PXDC1: variants seen among roughly 807,000 people sequenced by gnomAD.
PXDC1 encodes the protein PX domain containing 1.
PXDC1 carries 13 observed loss-of-function variants against 24.4 expected under a neutral mutation model. The ratio of observed to expected loss-of-function variants is 0.53; its 90% CI spans 0.35 to 0.85. The LOEUF (loss-of-function observed/expected upper bound fraction) is 0.85. Among genes scored for constraint, PXDC1 ranks in the 40% least tolerant of loss-of-function variants. The probability of loss-of-function intolerance (pLI) is 0.01; values close to 1 mark genes in which losing one functional copy is unlikely to be tolerated. For missense variants in PXDC1, 344 were observed against 309.3 expected (o/e 1.11, Z -0.84); for synonymous variants, 162 against 124.9 (o/e 1.30, Z -1.98).
intron 1 of PXDC1, among the ~76,000 whole-genome samples, chr6:3,741,147 C>T (rs895135709): frequency 6.6e-6 from 1 of 152,270 alleles, no homozygotes; most frequent in Non-Finnish European, 1.5e-5. Flanking sequence ...CGACCAGCAG[C>T]AGGCTCTTCG....
chr6:3,738,717 A>G, intron 1 of PXDC1: 1 of 1,203,548 alleles, frequency 8.3e-7, no homozygotes, highest in Non-Finnish European at 1.1e-6. Context: ...CTTTCCAGGA[A>G]TCTGGGCCTC....
In PXDC1 at chr6:3,751,380, A is replaced by T; in HGVS notation, c.152T>A (p.Leu51His). ...GTCCGCCAGGCTGCGGTGCAGGTAG[A>T]GCACGCTGCGGTCCGACCACTCCGT... is the stretch of plus-strand genomic sequence containing the variant. ...IRTEWSDRSV[L>H]YLHRSLADLG... Residue 51 changes from leucine (L) to histidine (H), a missense_variant, in exon 1 of 5, where the codon CTC becomes CAC. Physicochemically the swap from Leu to His is moderately conservative, Grantham distance 99. Transcript: ENST00000380283. 2 of 1,565,814 alleles carry T rather than the reference A, an allele frequency of 1.3e-6. No individual in the cohort carries two copies. Among genetic ancestry groups the T allele is most frequent in the Non-Finnish European group, 1.7e-6 (2 of 1,156,922 alleles).
chr6:3,727,476 A>G (rs1760092883), intron 4 of PXDC1, 75 bp downstream of exon 4: 1 of 1,020,568 alleles, frequency 9.8e-7, no homozygotes, highest in African/African-American at 1.6e-5. Context: ...CTTCCATAAG[A>G]ACAGTGAGCC....
chr6:3,731,549 C>T (rs1255995290), intron 3 of PXDC1, among the ~76,000 whole-genome samples: 2 of 152,332 alleles, frequency 1.3e-5, no homozygotes, highest in African/African-American at 4.8e-5. Context: ...CCCTGCTCTT[C>T]CATGGAAACT....
rs986937272 is a variant in PXDC1 at position 3,724,719 on chromosome 6, T to C, written c.579-983A>G. 6.6e-6 allele frequency among the ~76,000 whole-genome samples: 1 copy of C among 152,164 alleles called. No homozygotes were observed. The highest frequency in any genetic ancestry group is 1.5e-5 in the Non-Finnish European group (1 of 68,020). ...CTGGCCCGTGGACAACTGTGGGAACTCAGCCATCTCTGGAAAGCTTTGCCA... is the reference window on the plus strand; with the variant it reads ...CTGGCCCGTGGACAACTGTGGGAACCCAGCCATCTCTGGAAAGCTTTGCCA... On this transcript the variant is annotated intron_variant, in intron 4 of 4. Transcript: ENST00000380283. This position sits in a 1 kb window ranked among gnomAD's most constrained non-coding sequence, Gnocchi z 4.5.
At position 3,751,675 on chromosome 6, in the gene PXDC1, G is replaced by A. The variant is rs1300822858; in HGVS notation, c.-144C>T. 6 of 1,218,882 alleles carry A rather than the reference G, an allele frequency of 4.9e-6. No individual in the cohort carries two copies. Among genetic ancestry groups the A allele is most frequent in the East Asian group, 3.4e-5 (1 of 29,584 alleles). 75.5% of individuals were successfully genotyped at this position (1,218,882 alleles called of 1,614,324 possible). On this transcript the variant is annotated 5_prime_UTR_variant, in exon 1 of 5. Transcript: ENST00000380283. ...CCGTCACTCCAAGGAGGCTGCGTAT[G>A]GCCCGCGTTCGGGGCAGCGGGGCGG... is the stretch of plus-strand genomic sequence containing the variant.
rs907107823 is a variant in PXDC1, at chr6:3,725,124, C to G, written c.579-1388G>C. On this transcript the variant is annotated intron_variant, in intron 4 of 4. Transcript: ENST00000380283. This position sits in a 1 kb window ranked among gnomAD's most constrained non-coding sequence, Gnocchi z 4.8. ...AGGGAATGAAATCTCTTCCCCAGAC[C>G]AGGGCTGGATGGAAACCCAAGGGGG... Among the ~76,000 whole-genome samples the G allele has an allele frequency of 2.6e-5, 4 of 152,096 alleles. No individual in the cohort carries two copies. The highest frequency in any genetic ancestry group is 5.9e-5 in the Non-Finnish European group (4 of 67,986).
chr6:3,735,970 G>A (rs527768131), intron 3 of PXDC1, among the ~76,000 whole-genome samples: 49 of 152,190 alleles, frequency 3.2e-4, no homozygotes, highest in African/African-American at 9.9e-4. Context: ...ACCACCCTGC[G>A]CACACACAAT....
At chr6:3,739,754 A>T (rs1197076972) in intron 1 of PXDC1, among the ~76,000 whole-genome samples, 1 of 152,250 alleles carries the variant, frequency 6.6e-6, no homozygotes, top group Non-Finnish European at 1.5e-5. Context: ...CCTCCTCCCA[A>T]GCCCTGAATT....
At position 3,751,308 on chromosome 6, in the gene PXDC1, C is replaced by T. The variant is rs532222118; in HGVS notation, c.224G>A (p.Arg75Gln). 61 of 1,542,352 alleles carry T rather than the reference C, an allele frequency of 4.0e-5. No individual in the cohort carries two copies. In the East Asian group the frequency reaches 1.4e-3, roughly 36 times the overall value. ...CAGCGGCCCCTGCGCCAGTTCGGAC[C>T]GGTCCTCGGGAAAGGCGTCGCGCAG... is the stretch of plus-strand genomic sequence containing the variant. ...QRLRDAFPEDRSELAQGPLRQ... is the reference protein window; with the variant it reads ...QRLRDAFPEDQSELAQGPLRQ... Residue 75 changes from arginine (R) to glutamine (Q), a missense_variant, in exon 1 of 5, where the codon CGG becomes CAG. Physicochemically the swap from Arg to Gln is conservative, Grantham distance 43. Coordinates refer to ENST00000380283, the MANE Select transcript of PXDC1 (RefSeq NM_183373.4).
intron 1 of PXDC1, among the ~76,000 whole-genome samples, chr6:3,748,327 A>G (rs1028275584): frequency 2.6e-5 from 4 of 152,068 alleles, no homozygotes; most frequent in Non-Finnish European, 4.4e-5. Context: ...GGCATATCCA[A>G]TCTGGATGGA....
chr6:3,738,431 C>G (rs1760377918), intron 1 of PXDC1, among the ~76,000 whole-genome samples: 1 of 152,144 alleles, frequency 6.6e-6, no homozygotes, highest in Non-Finnish European at 1.5e-5. Context: ...AGTGGGGCAG[C>G]CTGGCAAACT....
intron 3 of PXDC1, among the ~76,000 whole-genome samples, chr6:3,732,339 T>C (rs1467600731): frequency 1.3e-5 from 2 of 152,224 alleles, no homozygotes; most frequent in Admixed American, 6.5e-5. Flanking sequence ...CCCAAAGCAG[T>C]GCCCTTGTAT....
chr6:3,734,686 T>A (rs575960215), intron 3 of PXDC1, among the ~76,000 whole-genome samples: 1 of 152,242 alleles, frequency 6.6e-6, no homozygotes, highest in African/African-American at 2.4e-5. Context: ...CATAGGAAGG[T>A]ATCTTAGGGA....
intron 1 of PXDC1, among the ~76,000 whole-genome samples, chr6:3,743,932 G>A (rs187301991): frequency 7.5e-4 from 115 of 152,338 alleles, no homozygotes; most frequent in Admixed American, 1.6e-3. Flanking sequence ...GGAAGTGGCT[G>A]AGGAAAAACA....
At chr6:3,741,575 T>C (rs1386509224) in intron 1 of PXDC1, among the ~76,000 whole-genome samples, 1 of 152,230 alleles carries the variant, frequency 6.6e-6, no homozygotes, top group African/African-American at 2.4e-5. Context: ...CAACGAGCGC[T>C]GATCCCTTCC....
intron 1 of PXDC1, among the ~76,000 whole-genome samples, chr6:3,749,686 G>A (rs1464428462): frequency 1.3e-5 from 2 of 151,978 alleles, no homozygotes; most frequent in African/African-American, 4.8e-5. Context: ...CATTTATGGA[G>A]AACCTGCTCT....
intron 1 of PXDC1, among the ~76,000 whole-genome samples, chr6:3,743,762 G>A (rs922889140): frequency 4.6e-5 from 7 of 152,208 alleles, no homozygotes; most frequent in Non-Finnish European, 1.5e-5. Flanking sequence ...ACTGTACAAG[G>A]AGAGCGAGAT....
chr6:3,727,151 A>T (rs928319888), intron 4 of PXDC1, among the ~76,000 whole-genome samples: 3 of 152,242 alleles, frequency 2.0e-5, no homozygotes, highest in African/African-American at 7.2e-5. Context: ...AGCCTCAGTA[A>T]TCAGATACAT....
Sources: gnomAD v4.1 joint callset for allele counts (sites outside exome capture counted in the v4.1 genomes callset) on GRCh38, gnomAD v4.1.1 for gene constraint, Gnocchi (gnomAD v3.1) non-coding constraint, MANE v1.5 for transcripts, NCBI Gene and HGNC (gene_info 2026-07-23, HGNC 2026-07-21) for gene names.